Variants in UBE2Z observed in about 807,000 individuals in gnomAD.
UBE2Z encodes ubiquitin-conjugating enzyme E2 Z.
A neutral mutation model predicts 32.6 loss-of-function variants in UBE2Z; 10 were observed. The ratio of observed to expected loss-of-function variants is 0.31; its 90% CI spans 0.19 to 0.52. The LOEUF (loss-of-function observed/expected upper bound fraction) is 0.52. Among genes scored for constraint, UBE2Z ranks in the 20% least tolerant of loss-of-function variants. UBE2Z has a pLI of 0.97. For synonymous variants in UBE2Z, 183 were observed against 190.8 expected (o/e 0.96, Z 0.34); for missense variants, 343 against 480.9 (o/e 0.71, Z 2.68).
In UBE2Z at chr17:48,927,187, C is replaced by A; in HGVS notation, c.*53C>A. ...CTCAAGAGTCCCAGCAGAATCCCTT[C>A]CCCCCACCCCAGGGATGGAGAGGCA... is the stretch of plus-strand genomic sequence containing the variant. On this transcript the variant is annotated 3_prime_UTR_variant, in exon 7 of 7. Coordinates refer to ENST00000360943, the MANE Select transcript of UBE2Z (RefSeq NM_023079.5). The A allele has an allele frequency of 9.5e-6, 15 of 1,572,200 alleles. No individual in the cohort carries two copies. Among genetic ancestry groups the A allele is most frequent in the Non-Finnish European group, 1.2e-5 (14 of 1,149,670 alleles).
At chr17:48,914,513 T>C (rs978680328) in intron 3 of UBE2Z, among the ~76,000 whole-genome samples, 2 of 152,220 alleles carry the variant, frequency 1.3e-5, no homozygotes, top group African/African-American at 2.4e-5. Context: ...TCTTTGCTGG[T>C]AGGCTAAAAC....
chr17:48,922,585 A>G (rs1463841560), intron 5 of UBE2Z, among the ~76,000 whole-genome samples: 1 of 151,614 alleles, frequency 6.6e-6, no homozygotes, highest in Non-Finnish European at 1.5e-5. Flanking sequence ...CCTGGGCAAC[A>G]TGGTGAAACC....
chr17:48,926,986 G>C lies in UBE2Z; in HGVS notation c.917G>C (p.Gly306Ala). ...TMQDPFGEKR[G>A]HFDYQSLLMR... ...CAGGACCCTTTTGGAGAGAAGCGGG[G>C]CCACTTTGACTACCAGTCCCTCTTG... is the stretch of plus-strand genomic sequence containing the variant. The change falls in exon 7 of 7, where the codon GGC becomes GCC. Residue 306 changes from glycine (G) to alanine (A), a missense_variant. By Grantham distance (60) the Gly-to-Ala change is moderately conservative. This residue lies in a region of UBE2Z where 182 missense variants were observed against 312.4 expected (regional missense o/e 0.58). Coordinates refer to ENST00000360943, the MANE Select transcript of UBE2Z (RefSeq NM_023079.5). 1 of 1,613,030 alleles carries C rather than the reference G, an allele frequency of 6.2e-7. No homozygotes were observed. The highest frequency in any genetic ancestry group is 8.5e-7 in the Non-Finnish European group (1 of 1,179,682).
chr17:48,911,499 A>C (rs1427839258), intron 2 of UBE2Z: 1 of 152,350 alleles, frequency 6.6e-6, no homozygotes, highest in East Asian at 1.9e-4. Flanking sequence ...TACCCACAGA[A>C]GTGCAGTTGC....
chr17:48,914,866 C>G (rs1262137198), intron 3 of UBE2Z, among the ~76,000 whole-genome samples: 3 of 152,004 alleles, frequency 2.0e-5, no homozygotes, highest in Non-Finnish European at 4.4e-5. Context: ...ACTAAAAATA[C>G]AAAAATTAGC....
Position 48,908,541 on chromosome 17 carries a change from G to A in UBE2Z, c.38G>A (p.Gly13Asp). ...ESPTEEAATA[G>D]AGAAGPGASS... is the part of the protein sequence containing the mutation. ...CCGACTGAGGAGGCGGCAACGGCGG[G>A]CGCCGGGGCGGCGGGCCCCGGGGCG... Residue 13 changes from glycine to aspartate, a missense_variant, in exon 1 of 7, where the codon GGC becomes GAC. Physicochemically the swap from Gly to Asp is moderately conservative, Grantham distance 94. Around this residue, in one of 4 missense-constraint regions of UBE2Z, gnomAD observed 103 missense variants for 96.2 expected, o/e 1.07. Transcript: ENST00000360943. 1.6e-6 allele frequency: 2 copies of A among 1,236,546 alleles called. No individual in the cohort carries two copies. Among genetic ancestry groups the A allele is most frequent in the Non-Finnish European group, 1.0e-6 (1 of 988,672 alleles). The allele number at this position is 1,236,546 out of a possible 1,614,324, so 76.6% of individuals were successfully genotyped here.
At position 48,908,424 on chromosome 17, in the gene UBE2Z, G is replaced by C; in HGVS notation, c.-80G>C. On this transcript the variant is annotated 5_prime_UTR_variant, in exon 1 of 7. Transcript: ENST00000360943. ...GTGGGGACACTCTGGCCCGGTTCTC[G>C]GTGGTGCGGGAGCGGGCGGGAGCAG... The C allele has an allele frequency of 8.5e-7, 1 of 1,174,064 alleles. No homozygotes were observed. The highest frequency in any genetic ancestry group is 1.1e-6 in the Non-Finnish European group (1 of 938,622). 72.7% of individuals were successfully genotyped at this position (1,174,064 alleles called of 1,614,324 possible).
intron 3 of UBE2Z, among the ~76,000 whole-genome samples, 155 bp downstream of exon 3, chr17:48,913,176 T>G (rs2040692675): frequency 6.6e-6 from 1 of 152,118 alleles, no homozygotes; most frequent in Admixed American, 6.6e-5. Flanking sequence ...GTGACTAGTA[T>G]CATTCTAGAT....
intron 6 of UBE2Z, 112 bp downstream of exon 6, chr17:48,923,049 C>T: frequency 2.0e-6 from 2 of 981,308 alleles, no homozygotes; most frequent in South Asian, 1.7e-5. Flanking sequence ...AGCCTGGGTT[C>T]AGTGGCTCAT....
intron 5 of UBE2Z, among the ~76,000 whole-genome samples, chr17:48,922,287 T>C (rs1381343517): frequency 2.0e-5 from 3 of 152,058 alleles, no homozygotes; most frequent in Non-Finnish European, 4.4e-5. Flanking sequence ...CTCAGGAGGC[T>C]GAAGCATGAG....
rs1025454534 is a variant in UBE2Z, at chr17:48,908,563, G to C, written c.60G>C (p.Gly20=). ...ATAGAGAAGP[G]ASSVAGVVGV... ...CGGGCGCCGGGGCGGCGGGCCCCGG[G>C]GCGAGCAGCGTTGCTGGTGTTGTTG... The change falls in exon 1 of 7, where the codon GGG becomes GGC. Residue 20 remains glycine (G), a synonymous_variant. Transcript: ENST00000360943. 2 of 1,238,292 alleles carry C rather than the reference G, an allele frequency of 1.6e-6. No individual in the cohort carries two copies. Among genetic ancestry groups the C allele is most frequent in the African/African-American group, 3.1e-5 (2 of 64,258 alleles). The allele number at this position is 1,238,292 out of a possible 1,614,324, so 76.7% of individuals were successfully genotyped here. A position where few individuals can be genotyped will look rare whatever the true frequency, so the allele number is the denominator to read the frequency against.
rs554859558 is a variant in UBE2Z, at chr17:48,909,508, T to C, written c.317+688T>C. ...CCCAGTGCCACTCTGGATTGTAATA[T>C]CCCACTCAGGAGCTTCTTTCTTGTA... On this transcript the variant is annotated intron_variant, in intron 1 of 6. Transcript: ENST00000360943. 7.4e-5 allele frequency among the ~76,000 whole-genome samples: 11 copies of C among 149,614 alleles called. No individual in the cohort carries two copies. The East Asian group carries it at 1.6e-3, about 22-fold the overall frequency.
rs2040817332 is a variant in UBE2Z, at chr17:48,929,008, T to TG, written c.*1875dup. The TG allele has an allele frequency of 1.3e-5, 2 of 148,794 alleles. No homozygotes were observed. The highest frequency in any genetic ancestry group is 6.7e-5 in the Admixed American group (1 of 15,024). The allele number at this position is 148,794 out of a possible 1,614,324, so 9.2% of individuals were successfully genotyped here. ...TGACTGTATATAAATGAAGTTTTTT[T>TG]GTTTTTTTTGTTTTCCTTTTTGGTG... is the stretch of plus-strand genomic sequence containing the variant. On this transcript the variant is annotated 3_prime_UTR_variant, in exon 7 of 7. Coordinates refer to ENST00000360943, the MANE Select transcript of UBE2Z (RefSeq NM_023079.5).
intron 1 of UBE2Z, 95 bp downstream of exon 1, chr17:48,908,915 T>G (rs2040651062): frequency 3.4e-6 from 3 of 874,220 alleles, no homozygotes; most frequent in African/African-American, 2.8e-5. Flanking sequence ...CCCCACCCAC[T>G]GCGCTGCCCT....
chr17:48,922,740 A>C, intron 5 of UBE2Z, 107 bp from the exon 6 acceptor site: 1 of 757,948 alleles, frequency 1.3e-6, no homozygotes, highest in South Asian at 2.1e-5. Flanking sequence ...GCACTCCAAC[A>C]TGGGCTACAG....
chr17:48,918,746 C>CTTT (rs71144542), intron 4 of UBE2Z, among the ~76,000 whole-genome samples: 6 of 127,478 alleles, frequency 4.7e-5, no homozygotes, highest in South Asian at 2.4e-4. Context: ...TAGGTCTTGT[C>CTTT]TTTTTTTTTT....
chr17:48,923,224 G>A, intron 6 of UBE2Z: 1 of 195,224 alleles, frequency 5.1e-6, no homozygotes, highest in Non-Finnish European at 1.0e-5. Flanking sequence ...AGGAGGCTGA[G>A]GCAGGAGAAT....
At position 48,909,606 on chromosome 17, in the gene UBE2Z, A is replaced by G. The variant is rs73986007; in HGVS notation, c.317+786A>G. ...TCTATGAAGCAAATATACTCATCAA[A>G]TATAGGAACAAAGGCCTAAGTCCTT... On this transcript the variant is annotated intron_variant, in intron 1 of 6. Coordinates refer to ENST00000360943, the MANE Select transcript of UBE2Z (RefSeq NM_023079.5). 1.4e-3 allele frequency among the ~76,000 whole-genome samples: 199 copies of G among 141,782 alleles called. 1 individual carries two copies. Among genetic ancestry groups the G allele is most frequent in the African/African-American group, 4.9e-3 (183 of 37,708 alleles). The allele number at this position is 141,782 out of a possible 152,430, so 93.0% of individuals were successfully genotyped here.
In UBE2Z at chr17:48,913,034, T is replaced by G. The variant is rs754458796; in HGVS notation, c.578+13T>G. 5.6e-6 allele frequency: 9 copies of G among 1,610,456 alleles called. No homozygotes were observed. The highest frequency in any genetic ancestry group is 1.7e-5 in the Admixed American group (1 of 59,848). On this transcript the variant is annotated intron_variant, in intron 3 of 6. Coordinates refer to ENST00000360943, the MANE Select transcript of UBE2Z (RefSeq NM_023079.5). Reference sequence around the variant, plus strand: ...TGAGTATTCTAGGGTAAGAGGAGACTTTTAAGTAGCCAAGTCGGTTGTTAG... The same window carrying G: ...TGAGTATTCTAGGGTAAGAGGAGACGTTTAAGTAGCCAAGTCGGTTGTTAG...
Sources: gnomAD v4.1 joint callset for allele counts (sites outside exome capture counted in the v4.1 genomes callset) on GRCh38, gnomAD v4.1.1 for gene constraint, gnomAD v4.1.1 regional missense constraint, MANE v1.5 for transcripts, NCBI Gene and HGNC (gene_info 2026-07-23, HGNC 2026-07-21) for gene names.